Variants in TNKS observed in about 807,000 individuals in gnomAD.
The protein encoded by TNKS is poly [ADP-ribose] polymerase tankyrase-1.
A neutral mutation model predicts 135.8 loss-of-function variants in TNKS; 72 were observed. The observed-to-expected ratio is 0.53, with a 90% CI of 0.44 to 0.64. The LOEUF is 0.64. Ranked by LOEUF, TNKS falls within the 30% of genes least tolerant of loss-of-function variation. TNKS has a pLI of 0.00. For missense variants in TNKS, 1,769 were observed against 1,674.0 expected, an observed-to-expected ratio of 1.06 and a Z score of -0.99; for synonymous variants, 849 against 649.3, an observed-to-expected ratio of 1.31 and a Z score of -4.68.
intron 25 of TNKS, among the ~76,000 whole-genome samples, chr8:9,767,957 T>G (rs1275342459): frequency 6.5e-4 from 64 of 97,980 alleles, no homozygotes; most frequent in African/African-American, 2.5e-3. Context: ...AGACTCCGTC[T>G]CAAAAAAAAA....
At chr8:9,712,212 A>G (rs968536784) in intron 11 of TNKS, among the ~76,000 whole-genome samples, 1 of 152,220 alleles carries the variant, frequency 6.6e-6, no homozygotes, top group Non-Finnish European at 1.5e-5. Context: ...AGTGGCCCGT[A>G]ATCACTCCTG....
intron 11 of TNKS, among the ~76,000 whole-genome samples, chr8:9,710,869 C>T (rs537233379): frequency 6.6e-6 from 1 of 152,122 alleles, no homozygotes; most frequent in African/African-American, 2.4e-5. Context: ...ACACTCCAGC[C>T]TGGGAGACAG....
chr8:9,640,239 A>C (rs1247863035), intron 3 of TNKS, among the ~76,000 whole-genome samples: 3 of 152,126 alleles, frequency 2.0e-5, no homozygotes, highest in Admixed American at 2.0e-4. Flanking sequence ...TGGGAAGTCC[A>C]ATATCAAGGA....
At chr8:9,712,094 A>G (rs1386696632) in intron 11 of TNKS, among the ~76,000 whole-genome samples, 1 of 152,250 alleles carries the variant, frequency 6.6e-6, no homozygotes, top group Non-Finnish European at 1.5e-5. Flanking sequence ...TTGAGTAGGC[A>G]TAGTTAACAA....
chr8:9,606,874 G>C (rs1799240981), intron 2 of TNKS, among the ~76,000 whole-genome samples: 1 of 152,100 alleles, frequency 6.6e-6, no homozygotes, highest in Non-Finnish European at 1.5e-5. Context: ...AACTTATGGA[G>C]GTTTGGTTTT....
Position 9,781,531 on chromosome 8 carries a change from C to T in TNKS, c.*4795C>T, listed in dbSNP as rs555543787. 2.0e-5 allele frequency: 3 copies of T among 152,352 alleles called. No homozygotes were observed. The highest frequency in any genetic ancestry group is 2.1e-4 in the South Asian group (1 of 4,830). 9.4% of individuals were successfully genotyped at this position (152,352 alleles called of 1,614,324 possible). ...ACCTTGAGTATGTAAACATTGTCTCCGTGACACAAAACACTGAAACTCTTC... is the reference window on the plus strand; with the variant it reads ...ACCTTGAGTATGTAAACATTGTCTCTGTGACACAAAACACTGAAACTCTTC... On this transcript the variant is annotated 3_prime_UTR_variant, in exon 27 of 27. Transcript: ENST00000310430.
intron 12 of TNKS, among the ~76,000 whole-genome samples, chr8:9,721,804 A>G (rs1481072048): frequency 2.0e-5 from 3 of 152,174 alleles, no homozygotes; most frequent in Non-Finnish European, 4.4e-5. Flanking sequence ...CTGTAATCCC[A>G]GCACTTTGGG....
At chr8:9,614,065 T>C (rs1402962873) in intron 2 of TNKS, among the ~76,000 whole-genome samples, 1 of 152,246 alleles carries the variant, frequency 6.6e-6, no homozygotes, top group African/African-American at 2.4e-5. Context: ...AAGTTAGAGA[T>C]AGTTATCAGC....
intron 6 of TNKS, among the ~76,000 whole-genome samples, chr8:9,705,890 G>A (rs1804017180): frequency 6.6e-6 from 1 of 152,096 alleles, no homozygotes; most frequent in Admixed American, 6.5e-5. Context: ...TTTATTTCTT[G>A]TAAATACTTA....
chr8:9,572,992 G>A (rs1053441137), intron 1 of TNKS, among the ~76,000 whole-genome samples: 1 of 151,826 alleles, frequency 6.6e-6, no homozygotes, highest in Admixed American at 6.6e-5. Context: ...AAAGTGGACT[G>A]ATAATACTTA....
intron 5 of TNKS, among the ~76,000 whole-genome samples, chr8:9,694,799 CA>C (rs1170370612): frequency 1.3e-5 from 2 of 150,208 alleles, no homozygotes; most frequent in African/African-American, 4.9e-5. Context: ...AAAGACAGAA[CA>C]AGAAGAAAAC....
At chr8:9,669,176 TG>T (rs1219405869) in intron 3 of TNKS, among the ~76,000 whole-genome samples, 1 of 150,674 alleles carries the variant, frequency 6.6e-6, no homozygotes, top group Non-Finnish European at 1.5e-5. Context: ...CCCAGCACTT[TG>T]GGAGGCCGAG....
intron 3 of TNKS, among the ~76,000 whole-genome samples, chr8:9,654,874 C>A (rs567974615): frequency 6.6e-6 from 1 of 152,204 alleles, no homozygotes; most frequent in African/African-American, 2.4e-5. Flanking sequence ...GGATTCATCT[C>A]ACTGGGGAGT....
intron 11 of TNKS, among the ~76,000 whole-genome samples, chr8:9,711,655 C>T (rs964005215): frequency 9.9e-5 from 15 of 152,060 alleles, no homozygotes; most frequent in African/African-American, 3.6e-4. Flanking sequence ...GACAAATGAC[C>T]ATGACTTGCA....
intron 1 of TNKS, among the ~76,000 whole-genome samples, chr8:9,574,552 A>T (rs560183657): frequency 6.6e-6 from 1 of 152,222 alleles, no homozygotes; most frequent in African/African-American, 2.4e-5. Context: ...TTTAAATAGA[A>T]TCAAGTAATT....
intron 11 of TNKS, among the ~76,000 whole-genome samples, chr8:9,712,374 G>A (rs1331008054): frequency 6.6e-6 from 1 of 151,914 alleles, no homozygotes; most frequent in Non-Finnish European, 1.5e-5. Flanking sequence ...TAGCGACTCG[G>A]GAGGCTGAGG....
chr8:9,632,265 C>T (rs1800319491), intron 3 of TNKS, among the ~76,000 whole-genome samples: 1 of 152,110 alleles, frequency 6.6e-6, no homozygotes, highest in African/African-American at 2.4e-5. Flanking sequence ...GTCAAGCTTC[C>T]CTACGACTGT....
chr8:9,765,948 G>A (rs1249511077), intron 24 of TNKS, 151 bp downstream of exon 24: 1 of 659,136 alleles, frequency 1.5e-6, no homozygotes, highest in East Asian at 2.7e-5. Context: ...CTTGGTACCA[G>A]CTTTCTAATG....
At chr8:9,571,706 G>C (rs1160159446) in intron 1 of TNKS, among the ~76,000 whole-genome samples, 1 of 152,148 alleles carries the variant, frequency 6.6e-6, no homozygotes, top group Non-Finnish European at 1.5e-5. Context: ...ATCCAAAAGT[G>C]CTGGGCCTCA....
Sources: allele counts gnomAD v4.1 joint callset (sites outside exome capture counted in the v4.1 genomes callset), GRCh38; gene constraint gnomAD v4.1.1; transcripts MANE v1.5; gene names NCBI Gene and HGNC (gene_info 2026-07-23, HGNC 2026-07-21).